Variants in SLC35F1 observed in about 807,000 individuals in gnomAD.
The protein encoded by SLC35F1 is solute carrier family 35 member F1.
In SLC35F1, 14 loss-of-function variants were observed where a neutral mutation model predicts 48.7. The observed-to-expected ratio is 0.29, with a 90% CI of 0.19 to 0.45. The LOEUF (loss-of-function observed/expected upper bound fraction) is 0.45. SLC35F1 is among the 20% of genes least tolerant of loss of function. The probability of loss-of-function intolerance (pLI) is 1.00; values close to 1 mark genes in which losing one functional copy is unlikely to be tolerated. For synonymous variants in SLC35F1, 190 were observed against 202.2 expected (o/e 0.94, Z 0.51); for missense variants, 404 against 500.0 (o/e 0.81, Z 1.83).
At chr6:118,258,339 G>C (rs1394873506) in intron 3 of SLC35F1, among the ~76,000 whole-genome samples, 1 of 151,852 alleles carries the variant, frequency 6.6e-6, no homozygotes, top group African/African-American at 2.4e-5. Flanking sequence ...TTTCGAAAAG[G>C]GTAATTTTTA....
At chr6:117,995,556 C>G (rs190454927) in intron 1 of SLC35F1, among the ~76,000 whole-genome samples, 8 of 152,246 alleles carry the variant, frequency 5.3e-5, no homozygotes, top group African/African-American at 1.4e-4. Context: ...GCCTGGCCAA[C>G]ATGGTGAAAC....
At chr6:118,075,826 T>C (rs1017747315) in intron 1 of SLC35F1, among the ~76,000 whole-genome samples, 5 of 152,260 alleles carry the variant, frequency 3.3e-5, no homozygotes, top group African/African-American at 7.2e-5. Context: ...CATGGCTAAA[T>C]GAGTTGAATC....
chr6:117,982,862 A>T (rs1429285069), intron 1 of SLC35F1, among the ~76,000 whole-genome samples: 1 of 152,182 alleles, frequency 6.6e-6, no homozygotes, highest in Non-Finnish European at 1.5e-5. Context: ...TTTTCTGTAC[A>T]TAATTACTTC....
At chr6:118,289,255 G>C (rs1322414146) in intron 7 of SLC35F1, among the ~76,000 whole-genome samples, 2 of 152,290 alleles carry the variant, frequency 1.3e-5, no homozygotes, top group Admixed American at 1.3e-4. Flanking sequence ...CCTGGTGAAG[G>C]ACATCTGGGC....
chr6:118,221,674 G>A (rs978646846), intron 2 of SLC35F1, among the ~76,000 whole-genome samples: 13 of 152,276 alleles, frequency 8.5e-5, no homozygotes, highest in Non-Finnish European at 1.8e-4. Flanking sequence ...TTATAGAAAA[G>A]TAGACAAAAC....
intron 1 of SLC35F1, among the ~76,000 whole-genome samples, chr6:118,077,043 A>T (rs1373055795): frequency 2.6e-5 from 4 of 152,316 alleles, no homozygotes; most frequent in South Asian, 2.1e-4. Context: ...TTAAAATGAA[A>T]AATTGAAATT....
At chr6:118,040,920 T>C (rs1044908013) in intron 1 of SLC35F1, among the ~76,000 whole-genome samples, 2 of 152,018 alleles carry the variant, frequency 1.3e-5, no homozygotes, top group Non-Finnish European at 2.9e-5. Context: ...TAAACATTTG[T>C]TGCACTAAAT....
chr6:118,129,908 A>G (rs1019113840), intron 1 of SLC35F1, among the ~76,000 whole-genome samples: 8 of 152,196 alleles, frequency 5.3e-5, no homozygotes, highest in African/African-American at 1.9e-4. Context: ...TTCACTGGCT[A>G]TGAGAACACT....
chr6:117,955,225 T>A (rs1259408808), intron 1 of SLC35F1, among the ~76,000 whole-genome samples: 1 of 152,230 alleles, frequency 6.6e-6, no homozygotes, highest in African/African-American at 2.4e-5. Context: ...CTAAGAGATT[T>A]TTAAATTGCT....
chr6:118,232,990 G>A (rs972352713), intron 2 of SLC35F1, among the ~76,000 whole-genome samples: 6 of 149,958 alleles, frequency 4.0e-5, no homozygotes, highest in Admixed American at 6.6e-5. Context: ...TTTTTTAGAC[G>A]AAGTCTCACT....
intron 1 of SLC35F1, among the ~76,000 whole-genome samples, chr6:117,987,504 C>A (rs1367542194): frequency 6.6e-6 from 1 of 151,824 alleles, no homozygotes; most frequent in Non-Finnish European, 1.5e-5. Flanking sequence ...ATCTCTTTTC[C>A]CTCTTCCTCC....
Position 117,907,886 on chromosome 6 carries a change from A to G in SLC35F1, c.160A>G (p.Lys54Glu). ...GGCTGGCGTGCGCCAGAGGATCCGC[A>G]AAGTGCTGAACAGGTGAGCGGCGGC... The part of the protein sequence containing the change: ...SRAGVRQRIR[K>E]VLNREMLISV... Residue 54 changes from lysine to glutamate, a missense_variant, in exon 1 of 8, where the codon AAA becomes GAA. Lys to Glu is a moderately conservative substitution (Grantham distance 56). Coordinates refer to ENST00000360388, the MANE Select transcript of SLC35F1 (RefSeq NM_001029858.4). 6.7e-7 allele frequency: 1 copy of G among 1,486,660 alleles called. No homozygotes were observed. 92.1% of individuals were successfully genotyped at this position (1,486,660 alleles called of 1,614,324 possible).
chr6:118,288,559 G>T (rs1177793092), intron 7 of SLC35F1, among the ~76,000 whole-genome samples: 1 of 152,166 alleles, frequency 6.6e-6, no homozygotes, highest in East Asian at 1.9e-4. Context: ...GAAGACTGGG[G>T]TTTTATCATG....
chr6:118,290,854 G>A (rs1776112608), intron 7 of SLC35F1, among the ~76,000 whole-genome samples: 1 of 151,408 alleles, frequency 6.6e-6, no homozygotes, highest in Non-Finnish European at 1.5e-5. Flanking sequence ...GAGTACAGTG[G>A]TGCGATCTCG....
chr6:118,103,717 G>A (rs1049977101), intron 1 of SLC35F1, among the ~76,000 whole-genome samples: 4 of 152,174 alleles, frequency 2.6e-5, no homozygotes, highest in East Asian at 1.9e-4. Context: ...AGGAAAGAGC[G>A]GACTTTTGAA....
chr6:118,066,980 T>C (rs1184487379), intron 1 of SLC35F1, among the ~76,000 whole-genome samples: 1 of 152,064 alleles, frequency 6.6e-6, no homozygotes, highest in African/African-American at 2.4e-5. Context: ...ATAGGTACCA[T>C]AGGTGATTTT....
In SLC35F1 at chr6:117,923,669, A is replaced by ATATACG. The variant is rs1562238705; in HGVS notation, c.173+15774_173+15775insCGTATA. 6.3e-4 allele frequency among the ~76,000 whole-genome samples: 31 copies of ATATACG among 49,278 alleles called. 3 individuals carry two copies. The highest frequency in any genetic ancestry group is 9.9e-4 in the Non-Finnish European group (29 of 29,366). The allele number at this position is 49,278 out of a possible 152,430, so 32.3% of individuals were successfully genotyped here. A position where few individuals can be genotyped will look rare whatever the true frequency, so the allele number is the denominator to read the frequency against. ...TACATATGTACATATGTATATATAC[A>ATATACG]TATATGTACATATATACATATGTAC... On this transcript the variant is annotated intron_variant, in intron 1 of 7. Transcript: ENST00000360388.
chr6:117,914,829 A>G (rs1342701145), intron 1 of SLC35F1, among the ~76,000 whole-genome samples: 2 of 152,164 alleles, frequency 1.3e-5, no homozygotes, highest in Non-Finnish European at 2.9e-5. Context: ...AAAATTACTC[A>G]ACGTCTACAT....
At chr6:118,207,258 G>T (rs1413141392) in intron 2 of SLC35F1, among the ~76,000 whole-genome samples, 1 of 152,198 alleles carries the variant, frequency 6.6e-6, no homozygotes, top group East Asian at 1.9e-4. Context: ...TTCCTAAGTT[G>T]TAGGTTAAAA....
Sources: allele counts gnomAD v4.1 joint callset (sites outside exome capture counted in the v4.1 genomes callset), GRCh38; gene constraint gnomAD v4.1.1; transcripts MANE v1.5; gene names NCBI Gene and HGNC (gene_info 2026-07-23, HGNC 2026-07-21).